Variants in KCNJ3 observed in about 807,000 individuals in gnomAD.
KCNJ3 encodes the protein potassium inwardly rectifying channel subfamily J member 3.
In KCNJ3, 4 loss-of-function variants were observed where a neutral mutation model predicts 39.2. The ratio of observed to expected loss-of-function variants is 0.10; its 90% CI spans 0.05 to 0.23. KCNJ3 has a LOEUF of 0.23. Among genes scored for constraint, KCNJ3 ranks in the 10% least tolerant of loss-of-function variants. The pLI is 1.00. For missense variants in KCNJ3, 276 were observed against 634.9 expected, an observed-to-expected ratio of 0.43 and a Z score of 6.08; for synonymous variants, 230 against 237.4, an observed-to-expected ratio of 0.97 and a Z score of 0.29.
At chr2:154,843,616 C>T (rs559022999) in intron 2 of KCNJ3, among the ~76,000 whole-genome samples, 1 of 152,256 alleles carries the variant, frequency 6.6e-6, no homozygotes, top group African/African-American at 2.4e-5. Context: ...TCCCATATTT[C>T]TTGGAGGCTT....
intron 2 of KCNJ3, among the ~76,000 whole-genome samples, chr2:154,779,668 C>T (rs556357527): frequency 3.2e-4 from 49 of 151,466 alleles, no homozygotes; most frequent in African/African-American, 1.0e-3. Flanking sequence ...CTCAGCCTCC[C>T]GAGTAGCTGG....
intron 2 of KCNJ3, among the ~76,000 whole-genome samples, chr2:154,845,789 G>A (rs1313592886): frequency 1.3e-5 from 2 of 152,032 alleles, no homozygotes; most frequent in East Asian, 3.9e-4. Context: ...TGGTCAATAT[G>A]GTGAAACCCT....
chr2:154,765,422 C>A (rs773520551), intron 2 of KCNJ3, among the ~76,000 whole-genome samples: 1 of 152,136 alleles, frequency 6.6e-6, no homozygotes, highest in Admixed American at 6.6e-5. Flanking sequence ...GCATTAATTT[C>A]TCTTGCTAGA....
rs1558856912 is a variant in KCNJ3, at chr2:154,724,916, G to GATATATATATATAT, written c.919+15097_919+15098insATATATATATATAT. On this transcript the variant is annotated intron_variant, in intron 2 of 2. Transcript: ENST00000295101. ...ATGTATATATACAAGATACATATGA[G>GATATATATATATAT]GTATATATATATATATATATACCTT... is the stretch of plus-strand genomic sequence containing the variant. 3.9e-3 allele frequency among the ~76,000 whole-genome samples: 231 copies of GATATATATATATAT among 59,110 alleles called. 7 individuals carry two copies. Among genetic ancestry groups the GATATATATATATAT allele is most frequent in the African/African-American group, 0.021 (215 of 10,000 alleles). 38.8% of individuals were successfully genotyped at this position (59,110 alleles called of 152,430 possible).
intron 2 of KCNJ3, among the ~76,000 whole-genome samples, chr2:154,774,684 C>T (rs1433668043): frequency 2.0e-5 from 3 of 151,918 alleles, no homozygotes; most frequent in African/African-American, 7.3e-5. Flanking sequence ...GGAAAAAAAC[C>T]TTAAAATTCT....
Position 154,705,754 on chromosome 2 carries a change from A to AT in KCNJ3, c.703-3843dup, listed in dbSNP as rs1684997666. Among the ~76,000 whole-genome samples, 9 of 152,264 alleles carry AT rather than the reference A, an allele frequency of 5.9e-5. No individual in the cohort carries two copies. In the South Asian group the frequency reaches 1.7e-3, roughly 28 times the overall value. On this transcript the variant is annotated intron_variant, in intron 1 of 2. Coordinates refer to ENST00000295101, the MANE Select transcript of KCNJ3 (RefSeq NM_002239.4). Reference sequence around the variant, plus strand: ...AAAAATACCTAATGTTCACGTTATAATTTTTTGGACAGTTAATTTAAACAA... The same window carrying AT: ...AAAAATACCTAATGTTCACGTTATAATTTTTTTGGACAGTTAATTTAAACAA...
In KCNJ3 at chr2:154,857,886, CAAAAAAAAAAAAAAAAAAAA is replaced by C. The variant is rs70983747; in HGVS notation, c.*2595_*2614del. On this transcript the variant is annotated 3_prime_UTR_variant, in exon 3 of 3. Coordinates refer to ENST00000295101, the MANE Select transcript of KCNJ3 (RefSeq NM_002239.4). ...ACAGTGCGAGACTCCATCTCAACAT[CAAAAAAAAAAAAAAAAAAAA>C]AAAAAAAAAAAAAAAAAAAAAGAAT... The C allele has an allele frequency of 4.6e-3, 195 of 41,966 alleles. 1 individual carries two copies. Among genetic ancestry groups the C allele is most frequent in the African/African-American group, 0.025 (175 of 6,950 alleles). The allele number at this position is 41,966 out of a possible 1,614,324, so 2.6% of individuals were successfully genotyped here.
At chr2:154,798,446 A>C (rs1387126106) in intron 2 of KCNJ3, among the ~76,000 whole-genome samples, 3 of 152,164 alleles carry the variant, frequency 2.0e-5, no homozygotes, top group Non-Finnish European at 4.4e-5. Context: ...TCTGGAAGAC[A>C]AACTGTGCAA....
chr2:154,801,099 T>C (rs558927275), intron 2 of KCNJ3, among the ~76,000 whole-genome samples: 40 of 152,206 alleles, frequency 2.6e-4, no homozygotes, highest in Non-Finnish European at 5.4e-4. Flanking sequence ...TGGAGCCAGA[T>C]GCCTGAGTTT....
chr2:154,824,474 C>T (rs756867056), intron 2 of KCNJ3, among the ~76,000 whole-genome samples: 16 of 152,276 alleles, frequency 1.1e-4, no homozygotes, highest in East Asian at 3.9e-4. Flanking sequence ...ATTTTAACAA[C>T]GGTTTGGGTG....
chr2:154,797,573 AAAAT>A (rs1686741430), intron 2 of KCNJ3, among the ~76,000 whole-genome samples: 1 of 152,074 alleles, frequency 6.6e-6, no homozygotes, highest in Non-Finnish European at 1.5e-5. Context: ...ATTATTTTAT[AAAAT>A]AAAAAGATAT....
chr2:154,825,917 A>C (rs1024051682), intron 2 of KCNJ3, among the ~76,000 whole-genome samples: 1 of 151,608 alleles, frequency 6.6e-6, no homozygotes, highest in Non-Finnish European at 1.5e-5. Context: ...CCTATTACAA[A>C]CAAGCTTAAT....
rs1687818207 is a variant in KCNJ3, at chr2:154,855,320, A to T, written c.*7A>T. The stretch of plus-strand genomic sequence containing the variant: ...CTCTGATCGCTTCACATAACAAAGC[A>T]CTCCCTTAGGCATTATTTAATGTTT... On this transcript the variant is annotated 3_prime_UTR_variant, in exon 3 of 3. Transcript: ENST00000295101. The T allele has an allele frequency of 1.3e-6, 2 of 1,561,758 alleles. No individual in the cohort carries two copies. The highest frequency in any genetic ancestry group is 3.7e-5 in the Admixed American group (2 of 53,530).
rs1211734415 is a variant in KCNJ3, at chr2:154,699,776, A to T, written c.702+299A>T. On this transcript the variant is annotated intron_variant, in intron 1 of 2. Transcript: ENST00000295101. This position sits in a 1 kb window ranked among gnomAD's most constrained non-coding sequence, Gnocchi z 6.4. ...GGCTCCTGGAGCCATGAGGGCAATT[A>T]GTGCCCTGTTCGCCTTCCTGTCCCT... Among the ~76,000 whole-genome samples, 13 of 152,106 alleles carry T rather than the reference A, an allele frequency of 8.5e-5. No individual in the cohort carries two copies. The highest frequency in any genetic ancestry group is 8.5e-4 in the Admixed American group (13 of 15,278).
intron 2 of KCNJ3, among the ~76,000 whole-genome samples, chr2:154,830,123 A>AAAT (rs1347081398): frequency 6.6e-6 from 1 of 152,208 alleles, no homozygotes; most frequent in African/African-American, 2.4e-5. Context: ...AGGCCAGGAT[A>AAAT]AATACAGGAA....
At chr2:154,719,025 T>C (rs1279740481) in intron 2 of KCNJ3, among the ~76,000 whole-genome samples, 1 of 152,122 alleles carries the variant, frequency 6.6e-6, no homozygotes, top group East Asian at 1.9e-4. Context: ...AACTGCACAA[T>C]TTACACTAAT....
rs745385508 is a variant in KCNJ3 at position 154,855,161 on chromosome 2, G to A, written c.1354G>A (p.Val452Ile). The A allele has an allele frequency of 4.3e-6, 7 of 1,613,918 alleles. No individual in the cohort carries two copies. The South Asian group carries it at 7.7e-5, about 18-fold the overall frequency. Residue 452 changes from valine to isoleucine, a missense_variant, in exon 3 of 3, where the codon GTA (valine) becomes ATA (isoleucine). Physicochemically the swap from Val to Ile is conservative, Grantham distance 29. Around this residue, in one of 4 missense-constraint regions of KCNJ3, gnomAD observed 126 missense variants for 179.8 expected, o/e 0.70. Transcript: ENST00000295101. Reference protein sequence around the residue: ...SVPGNSEEKLVSKTTKMLSDP... With the variant: ...SVPGNSEEKLISKTTKMLSDP... ...TCCGGGCAACTCAGAAGAAAAACTG[G>A]TATCTAAAACCACCAAGATGTTATC... is the stretch of plus-strand genomic sequence containing the variant.
intron 2 of KCNJ3, among the ~76,000 whole-genome samples, chr2:154,834,202 C>G (rs1687410431): frequency 6.6e-6 from 1 of 152,102 alleles, no homozygotes; most frequent in African/African-American, 2.4e-5. Context: ...TACCAGCATT[C>G]GGTATTGTCA....
At chr2:154,723,530 C>T (rs951438067) in intron 2 of KCNJ3, among the ~76,000 whole-genome samples, 4 of 152,114 alleles carry the variant, frequency 2.6e-5, no homozygotes, top group East Asian at 1.9e-4. Context: ...TCGCTGGGAT[C>T]ACATTTGTAT....
Sources: allele counts gnomAD v4.1 joint callset (sites outside exome capture counted in the v4.1 genomes callset), GRCh38; gene constraint gnomAD v4.1.1; regional missense constraint gnomAD v4.1.1; non-coding constraint Gnocchi (gnomAD v3.1); transcripts MANE v1.5; gene names NCBI Gene and HGNC (gene_info 2026-07-23, HGNC 2026-07-21).